Variants in HCN4 observed in about 807,000 individuals in gnomAD.
HCN4 encodes potassium/sodium hyperpolarization-activated cyclic nucleotide-gated channel 4.
Under a neutral mutation model 76.9 loss-of-function variants are expected in HCN4, and 29 were observed. The ratio of observed to expected loss-of-function variants is 0.38; its 90% CI spans 0.28 to 0.51. The LOEUF is 0.51. Among genes scored for constraint, HCN4 ranks in the 20% least tolerant of loss-of-function variants. The pLI, the probability that HCN4 is intolerant of heterozygous loss-of-function variation, is 0.90. For missense variants in HCN4, 1,416 were observed against 1,715.2 expected (o/e 0.83, Z 3.08); for synonymous variants, 772 against 762.5 (o/e 1.01, Z -0.21).
intron 2 of HCN4, among the ~76,000 whole-genome samples, chr15:73,337,104 A>C (rs897229248): frequency 6.6e-6 from 1 of 151,956 alleles, no homozygotes; most frequent in Non-Finnish European, 1.5e-5. Flanking sequence ...CCTTCTTGTC[A>C]TCCTGTCTTG....
At position 73,322,673 on chromosome 15, in the gene HCN4, C is replaced by T; in HGVS notation, c.3420G>A (p.Arg1140=). 1 of 1,602,268 alleles carries T rather than the reference C, an allele frequency of 6.2e-7. No homozygotes were observed. Among genetic ancestry groups the T allele is most frequent in the South Asian group, 1.1e-5 (1 of 89,164 alleles). The change falls in exon 8 of 8, where the codon AGG becomes AGA. Residue 1140 remains arginine, a synonymous_variant. Coordinates refer to ENST00000261917, the MANE Select transcript of HCN4 (RefSeq NM_005477.3). The part of the protein sequence containing the change: ...GSSGGLGPPG[R]PYGAIPGQHV... ...GCTGGCCGGGGATGGCACCATAGGGCCTCCCAGGGGGACCGAGGCCCCCGC... is the reference window on the plus strand; with the variant it reads ...GCTGGCCGGGGATGGCACCATAGGGTCTCCCAGGGGGACCGAGGCCCCCGC...
chr15:73,326,022 T>G (rs1295743731), intron 4 of HCN4, among the ~76,000 whole-genome samples: 1 of 152,128 alleles, frequency 6.6e-6, no homozygotes, highest in African/African-American at 2.4e-5. Context: ...GGTAGACTAA[T>G]TTGAGGGGAC....
intron 1 of HCN4, among the ~76,000 whole-genome samples, chr15:73,353,263 A>G (rs2043063047): frequency 2.6e-5 from 4 of 152,266 alleles, no homozygotes; most frequent in South Asian, 4.1e-4. Context: ...CCTTTAAACA[A>G]TGGCCAGCGC....
intron 2 of HCN4, among the ~76,000 whole-genome samples, chr15:73,338,614 A>G (rs571553874): frequency 1.3e-5 from 2 of 152,320 alleles, no homozygotes; most frequent in South Asian, 2.1e-4. Context: ...CCCTCCCAAC[A>G]AAGAGTTGAT....
chr15:73,367,962 C>A lies in HCN4; in HGVS notation c.309G>T (p.Leu103=). ...CGCCGCTGCCGCCGCCCCGGCTGCC[C>A]AGCGAGGCCAGGCTCCCGCGGAAGC... ...CRRFRGSLAS[L]GSRGGGSGGT... The change falls in exon 1 of 8, where the codon CTG becomes CTT. Residue 103 remains leucine (L), a synonymous_variant. Transcript: ENST00000261917. The surrounding 1 kb of genome is among the most constrained non-coding windows in gnomAD (Gnocchi z 7.5). 7.4e-7 allele frequency: 1 copy of A among 1,348,348 alleles called. No individual in the cohort carries two copies. Among genetic ancestry groups the A allele is most frequent in the East Asian group, 3.0e-5 (1 of 33,212 alleles). The allele number at this position is 1,348,348 out of a possible 1,614,324, so 83.5% of individuals were successfully genotyped here. A position where few individuals can be genotyped will look rare whatever the true frequency, so the allele number is the denominator to read the frequency against.
chr15:73,353,103 CA>C (rs1014475360), intron 1 of HCN4, among the ~76,000 whole-genome samples: 15 of 151,738 alleles, frequency 9.9e-5, no homozygotes, highest in Admixed American at 2.6e-4. Context: ...AAAGATAAAA[CA>C]AAAAAAGAAT....
At chr15:73,357,648 G>T (rs1374733267) in intron 1 of HCN4, among the ~76,000 whole-genome samples, 1 of 152,050 alleles carries the variant, frequency 6.6e-6, no homozygotes, top group Non-Finnish European at 1.5e-5. Context: ...GGATGCCCCG[G>T]AAACAAAGAA....
At chr15:73,335,049 A>AG in intron 2 of HCN4, among the ~76,000 whole-genome samples, 1 of 152,242 alleles carries the variant, frequency 6.6e-6, no homozygotes, top group Non-Finnish European at 1.5e-5. Context: ...TCTACAAGTC[A>AG]GAAAAAAAAA....
At chr15:73,338,522 G>T (rs1395690262) in intron 2 of HCN4, among the ~76,000 whole-genome samples, 1 of 152,194 alleles carries the variant, frequency 6.6e-6, no homozygotes, top group Non-Finnish European at 1.5e-5. Flanking sequence ...CTATCATGGG[G>T]GTCAGGTGAG....
At chr15:73,337,738 G>A (rs1872310813) in intron 2 of HCN4, among the ~76,000 whole-genome samples, 1 of 152,170 alleles carries the variant, frequency 6.6e-6, no homozygotes, top group African/African-American at 2.4e-5. Flanking sequence ...GTGGTCAGCA[G>A]GGCTCCTGCT....
rs758484576 is a variant in HCN4, at chr15:73,322,830, G to A, written c.3263C>T (p.Ala1088Val). Residue 1088 changes from alanine (A) to valine (V), a missense_variant, in exon 8 of 8, where the codon GCG (alanine) becomes GTG (valine). Physicochemically the swap from Ala to Val is moderately conservative, Grantham distance 64 (BLOSUM62 0). Around this residue, in one of 6 missense-constraint regions of HCN4, gnomAD observed 633 missense variants for 579.8 expected, o/e 1.09. Coordinates refer to ENST00000261917, the MANE Select transcript of HCN4 (RefSeq NM_005477.3). ...GTCCTGAGGCAGGGCTGGCTGAGAC[G>A]CGGAGATGAGCTTGAGGTCCTGGGT... ...RLTQDLKLIS[A>V]SQPALPQDGA... 4.5e-5 allele frequency: 69 copies of A among 1,522,248 alleles called. No individual in the cohort carries two copies. The highest frequency in any genetic ancestry group is 9.3e-5 in the South Asian group (7 of 75,554). The allele number at this position is 1,522,248 out of a possible 1,614,324, so 94.3% of individuals were successfully genotyped here. A position where few individuals can be genotyped will look rare whatever the true frequency, so the allele number is the denominator to read the frequency against.
Position 73,367,600 on chromosome 15 carries a change from G to A in HCN4, c.671C>T (p.Pro224Leu), listed in dbSNP as rs1447391447. 1 of 1,613,700 alleles carries A rather than the reference G, an allele frequency of 6.2e-7. No homozygotes were observed. Residue 224 changes from proline (P) to leucine (L), a missense_variant, in exon 1 of 8, where the codon CCC becomes CTC. By Grantham distance (98) the Pro-to-Leu change is moderately conservative. Transcript: ENST00000261917. This position sits in a 1 kb window ranked among gnomAD's most constrained non-coding sequence, Gnocchi z 7.5. ...MQRQFGAMLQPGVNKFSLRMF... is the reference protein window; with the variant it reads ...MQRQFGAMLQLGVNKFSLRMF... ...CCTTAGGGAGAATTTGTTGACCCCGGGTTGGAGCATGGCCCCGAACTGGCG... is the reference window on the plus strand; with the variant it reads ...CCTTAGGGAGAATTTGTTGACCCCGAGTTGGAGCATGGCCCCGAACTGGCG...
chr15:73,363,839 G>A (rs2043117049), intron 1 of HCN4, among the ~76,000 whole-genome samples: 1 of 152,146 alleles, frequency 6.6e-6, no homozygotes, highest in African/African-American at 2.4e-5. Flanking sequence ...GCTTGACATG[G>A]CAACAGGCAA....
chr15:73,364,121 G>C (rs1258507331), intron 1 of HCN4, among the ~76,000 whole-genome samples: 2 of 152,130 alleles, frequency 1.3e-5, no homozygotes, highest in Non-Finnish European at 2.9e-5. Flanking sequence ...ATGGCTTCAG[G>C]AGGCTCAGTC....
In HCN4 at chr15:73,368,298, C is replaced by G; in HGVS notation, c.-28G>C. On this transcript the variant is annotated 5_prime_UTR_variant, in exon 1 of 8. Coordinates refer to ENST00000261917, the MANE Select transcript of HCN4 (RefSeq NM_005477.3). The surrounding 1 kb of genome is among the most constrained non-coding windows in gnomAD (Gnocchi z 6.9). ...CGCCAGGGGCCGGGGTCGGACCGGG[C>G]CGGGGGCAGGAGCGCGGCGCCGCGG... 2 of 1,454,404 alleles carry G rather than the reference C, an allele frequency of 1.4e-6. No individual in the cohort carries two copies. Among genetic ancestry groups the G allele is most frequent in the Non-Finnish European group, 1.8e-6 (2 of 1,105,084 alleles). The allele number at this position is 1,454,404 out of a possible 1,614,324, so 90.1% of individuals were successfully genotyped here.
chr15:73,347,608 A>G (rs1485368687), intron 1 of HCN4, among the ~76,000 whole-genome samples: 8 of 152,162 alleles, frequency 5.3e-5, no homozygotes, highest in Admixed American at 6.5e-5. Context: ...CTCACAAAGG[A>G]AGGAAGAGTA....
At chr15:73,335,696 C>T (rs1423952010) in intron 2 of HCN4, 1 of 152,272 alleles carries the variant, frequency 6.6e-6, no homozygotes, top group African/African-American at 2.4e-5. Flanking sequence ...CTCAGGACAT[C>T]CTGGGAACGG....
At chr15:73,337,766 A>G (rs1372860482) in intron 2 of HCN4, among the ~76,000 whole-genome samples, 1 of 152,052 alleles carries the variant, frequency 6.6e-6, no homozygotes, top group African/African-American at 2.4e-5. Flanking sequence ...ACAGTGGAAG[A>G]ACAAAAAGGT....
rs2151213172 is a variant in HCN4, at chr15:73,321,434, T to C, written c.*1047A>G. ...CAAAACTGTTTCTTCCTCTGCTAAA[T>C]GGGGAGAATCAAAGTACCCACCCCA... is the stretch of plus-strand genomic sequence containing the variant. On this transcript the variant is annotated 3_prime_UTR_variant, in exon 8 of 8. Coordinates refer to ENST00000261917, the MANE Select transcript of HCN4 (RefSeq NM_005477.3). The C allele has an allele frequency of 6.6e-6, 1 of 152,400 alleles. No individual in the cohort carries two copies. Among genetic ancestry groups the C allele is most frequent in the Non-Finnish European group, 1.5e-5 (1 of 68,044 alleles). The allele number at this position is 152,400 out of a possible 1,614,324, so 9.4% of individuals were successfully genotyped here. A position where few individuals can be genotyped will look rare whatever the true frequency, so the allele number is the denominator to read the frequency against.
Sources: gnomAD v4.1 joint callset for allele counts (sites outside exome capture counted in the v4.1 genomes callset) on GRCh38, gnomAD v4.1.1 for gene constraint, gnomAD v4.1.1 regional missense constraint, Gnocchi (gnomAD v3.1) non-coding constraint, MANE v1.5 for transcripts, NCBI Gene and HGNC (gene_info 2026-07-23, HGNC 2026-07-21) for gene names.